PANX1: variants seen among roughly 807,000 people sequenced by gnomAD.
The protein encoded by PANX1 is pannexin 1.
Under a neutral mutation model 38.7 loss-of-function variants are expected in PANX1, and 30 were observed. The observed-to-expected ratio is 0.78, with a 90% CI of 0.58 to 1.05. The LOEUF (loss-of-function observed/expected upper bound fraction) is 1.05. Ranked by LOEUF, PANX1 falls within the 50% of genes least tolerant of loss-of-function variation. The pLI is 0.00. For missense variants in PANX1, 551 were observed against 517.2 expected (o/e 1.07, Z -0.63); for synonymous variants, 230 against 212.2 (o/e 1.08, Z -0.73).
At chr11:94,153,308 C>G (rs998246059) in intron 1 of PANX1, among the ~76,000 whole-genome samples, 183 bp from the exon 2 acceptor site, 1 of 152,156 alleles carries the variant, frequency 6.6e-6, no homozygotes, top group African/African-American at 2.4e-5. Flanking sequence ...CAGTGTTGGC[C>G]AAAACCACTC....
chr11:94,162,359 G>C (rs1375592448), intron 2 of PANX1, among the ~76,000 whole-genome samples: 1 of 152,140 alleles, frequency 6.6e-6, no homozygotes, highest in African/African-American at 2.4e-5. Flanking sequence ...AGCTGTGGTG[G>C]GCTCCACCCA....
At chr11:94,162,710 G>A (rs371721770) in intron 2 of PANX1, among the ~76,000 whole-genome samples, 10 of 152,174 alleles carry the variant, frequency 6.6e-5, no homozygotes, top group East Asian at 5.8e-4. Flanking sequence ...CGCTGGGTGC[G>A]CGGCACCCAC....
chr11:94,181,817 G>GA lies in PANX1; in HGVS notation c.*953dup, dbSNP rs1365730176. ...GCTTCATATGGCGTGCTTGGAGCCAGAAAAACTTAGCGGTTTATTTTGTTT... is the reference window on the plus strand; with the variant it reads ...GCTTCATATGGCGTGCTTGGAGCCAGAAAAAACTTAGCGGTTTATTTTGTTT... On this transcript the variant is annotated 3_prime_UTR_variant, in exon 5 of 5. Coordinates refer to ENST00000227638, the MANE Select transcript of PANX1 (RefSeq NM_015368.4). 2 of 152,188 alleles carry GA rather than the reference G, an allele frequency of 1.3e-5. No homozygotes were observed. The highest frequency in any genetic ancestry group is 4.8e-5 in the African/African-American group (2 of 41,452). The allele number at this position is 152,188 out of a possible 1,614,324, so 9.4% of individuals were successfully genotyped here. A position where few individuals can be genotyped will look rare whatever the true frequency, so the allele number is the denominator to read the frequency against.
intron 1 of PANX1, among the ~76,000 whole-genome samples, chr11:94,140,550 T>G (rs904809882): frequency 6.6e-6 from 1 of 152,258 alleles, no homozygotes; most frequent in Non-Finnish European, 1.5e-5. Flanking sequence ...TTCCATCATG[T>G]GACTATACCT....
At chr11:94,168,328 C>G (rs921966335) in intron 2 of PANX1, among the ~76,000 whole-genome samples, 6 of 151,862 alleles carry the variant, frequency 4.0e-5, no homozygotes, top group Admixed American at 3.3e-4. Context: ...TGAAAACTAA[C>G]CAGATGGATG....
chr11:94,131,080 A>G (rs918961951), intron 1 of PANX1, among the ~76,000 whole-genome samples: 5 of 152,170 alleles, frequency 3.3e-5, no homozygotes, highest in African/African-American at 9.7e-5. Flanking sequence ...CCTTTGGTCA[A>G]TTCCTCCTTC....
intron 1 of PANX1, among the ~76,000 whole-genome samples, chr11:94,131,097 G>A (rs1034990974): frequency 6.6e-6 from 1 of 152,152 alleles, no homozygotes; most frequent in Admixed American, 6.5e-5. Flanking sequence ...CTTCAGTACT[G>A]GCTGTGTGCT....
chr11:94,161,950 A>C (rs1947043484), intron 2 of PANX1, among the ~76,000 whole-genome samples: 1 of 152,184 alleles, frequency 6.6e-6, no homozygotes, highest in Non-Finnish European at 1.5e-5. Flanking sequence ...CAGCACCCTC[A>C]GCTGCAGGTG....
At chr11:94,162,846 G>A (rs1565381181) in intron 2 of PANX1, among the ~76,000 whole-genome samples, 8 of 148,844 alleles carry the variant, frequency 5.4e-5, no homozygotes, top group Admixed American at 6.7e-5. Flanking sequence ...GTTCCTATTC[G>A]GCCATCTTGG....
chr11:94,167,630 C>G (rs987813862), intron 2 of PANX1, among the ~76,000 whole-genome samples: 2 of 152,176 alleles, frequency 1.3e-5, no homozygotes, highest in Non-Finnish European at 2.9e-5. Flanking sequence ...ATCATATATT[C>G]AAAGAATTAT....
At chr11:94,174,528 T>G (rs950757755) in intron 2 of PANX1, among the ~76,000 whole-genome samples, 1 of 151,634 alleles carries the variant, frequency 6.6e-6, no homozygotes, top group South Asian at 2.1e-4. Flanking sequence ...CCTGACCACC[T>G]CCCCAGGGAC....
At chr11:94,170,836 T>C (rs1011244387) in intron 2 of PANX1, among the ~76,000 whole-genome samples, 3 of 151,752 alleles carry the variant, frequency 2.0e-5, no homozygotes, top group African/African-American at 7.3e-5. Context: ...GGTCACCTGC[T>C]GATGAGCTGC....
intron 2 of PANX1, among the ~76,000 whole-genome samples, chr11:94,159,443 C>G (rs967322332): frequency 6.6e-5 from 10 of 152,108 alleles, no homozygotes; most frequent in African/African-American, 2.4e-4. Context: ...TGTTATTGGT[C>G]TATTCAGAGA....
At chr11:94,175,906 A>G (rs1026628061) in intron 2 of PANX1, 2 of 984,632 alleles carry the variant, frequency 2.0e-6, no homozygotes, top group Non-Finnish European at 2.4e-6. Context: ...GGCTTTGCAA[A>G]GTTTTGGGGT....
chr11:94,155,778 T>G (rs947674731), intron 2 of PANX1, among the ~76,000 whole-genome samples: 3 of 152,140 alleles, frequency 2.0e-5, no homozygotes, highest in African/African-American at 7.2e-5. Context: ...CTGCTTGCCA[T>G]TTTGCATAGT....
At position 94,129,348 on chromosome 11, in the gene PANX1, C is replaced by T; in HGVS notation, c.36C>T (p.Phe12=). Residue 12 remains phenylalanine (F), a synonymous_variant, in exon 1 of 5, where the codon TTC becomes TTT. Transcript: ENST00000227638. Reference sequence around the variant, plus strand: ...CTCAACTGGCCACGGAGTACGTGTTCTCGGATTTCTTGCTGAAGGAGCCCA... The same window carrying T: ...CTCAACTGGCCACGGAGTACGTGTTTTCGGATTTCTTGCTGAAGGAGCCCA... ...AIAQLATEYV[F]SDFLLKEPTE... 1 of 1,613,796 alleles carries T rather than the reference C, an allele frequency of 6.2e-7. No homozygotes were observed. Among genetic ancestry groups the T allele is most frequent in the Non-Finnish European group, 8.5e-7 (1 of 1,179,786 alleles).
chr11:94,177,083 A>T (rs1947243466), intron 2 of PANX1, among the ~76,000 whole-genome samples: 1 of 151,684 alleles, frequency 6.6e-6, no homozygotes, highest in African/African-American at 2.4e-5. Context: ...ACCATTTCAT[A>T]CATAAGGAAA....
intron 1 of PANX1, among the ~76,000 whole-genome samples, chr11:94,133,519 G>C (rs1276538403): frequency 6.6e-6 from 1 of 152,084 alleles, no homozygotes; most frequent in African/African-American, 2.4e-5. Context: ...ACTCTTCTGA[G>C]TTGTGCCTGG....
At chr11:94,171,820 G>C (rs1947172079) in intron 2 of PANX1, among the ~76,000 whole-genome samples, 2 of 150,442 alleles carry the variant, frequency 1.3e-5, no homozygotes, top group Non-Finnish European at 2.9e-5. Flanking sequence ...AGGACACACT[G>C]TGAGGCCTTT....
Sources: gnomAD v4.1 joint callset for allele counts (sites outside exome capture counted in the v4.1 genomes callset) on GRCh38, gnomAD v4.1.1 for gene constraint, MANE v1.5 for transcripts, NCBI Gene and HGNC (gene_info 2026-07-23, HGNC 2026-07-21) for gene names.